Variants in GCGR observed in about 807,000 individuals in gnomAD.
The protein encoded by GCGR is glucagon receptor.
GCGR carries 41 observed loss-of-function variants against 56.1 expected under a neutral mutation model. The observed-to-expected ratio is 0.73, with a 90% CI of 0.57 to 0.95. The LOEUF (loss-of-function observed/expected upper bound fraction) is 0.95. Among genes scored for constraint, GCGR ranks in the 40% least tolerant of loss-of-function variants. The pLI is 0.00. For synonymous variants in GCGR, 278 were observed against 271.1 expected (o/e 1.03, Z -0.25); for missense variants, 595 against 638.2 (o/e 0.93, Z 0.73).
Position 81,813,315 on chromosome 17 carries a change from C to T in GCGR, c.1219-159C>T, listed in dbSNP as rs1054606623. ...GGTGTCTGCAGACTGCTTTCCGTGGCGATGCTGGGTGGCATAGCTGTGCCC... is the reference window on the plus strand; with the variant it reads ...GGTGTCTGCAGACTGCTTTCCGTGGTGATGCTGGGTGGCATAGCTGTGCCC... On this transcript the variant is annotated intron_variant, in intron 13 of 13. Coordinates refer to ENST00000400723, the MANE Select transcript of GCGR (RefSeq NM_000160.5). The surrounding 1 kb of genome is among the most constrained non-coding windows in gnomAD (Gnocchi z 5.3). Among the ~76,000 whole-genome samples the T allele has an allele frequency of 1.4e-4, 21 of 152,260 alleles. No individual in the cohort carries two copies. Among genetic ancestry groups the T allele is most frequent in the African/African-American group, 3.9e-4 (16 of 41,542 alleles).
chr17:81,813,005 T>G lies in GCGR; in HGVS notation c.1177-11T>G, dbSNP rs971198844. 2.0e-6 allele frequency: 3 copies of G among 1,536,384 alleles called. No homozygotes were observed. The highest frequency in any genetic ancestry group is 2.6e-6 in the Non-Finnish European group (3 of 1,146,792). On this transcript the variant is annotated splice_polypyrimidine_tract_variant and intron_variant, in intron 12 of 13. Transcript: ENST00000400723. This position sits in a 1 kb window ranked among gnomAD's most constrained non-coding sequence, Gnocchi z 5.3. Reference sequence around the variant, plus strand: ...CGCAGTGTGCCACCCCTGACCACCCTGTCTCTCCAGGGCCTGCTGGTGGCT... The same window carrying G: ...CGCAGTGTGCCACCCCTGACCACCCGGTCTCTCCAGGGCCTGCTGGTGGCT...
rs1017134822 is a variant in GCGR at position 81,810,249 on chromosome 17, T to G, written c.163+365T>G. On this transcript the variant is annotated intron_variant, in intron 3 of 13. Coordinates refer to ENST00000400723, the MANE Select transcript of GCGR (RefSeq NM_000160.5). The surrounding 1 kb of genome is among the most constrained non-coding windows in gnomAD (Gnocchi z 4.6). ...ACCCAGGGGCCTGGGAGGGCTCGGG[T>G]GGAGAGTGTATATCATGGCCTGGAC... 2.6e-6 allele frequency: 1 copy of G among 391,598 alleles called. No homozygotes were observed. Among genetic ancestry groups the G allele is most frequent in the African/African-American group, 2.1e-5 (1 of 47,992 alleles). 24.3% of individuals were successfully genotyped at this position (391,598 alleles called of 1,614,324 possible).
chr17:81,811,457 T>G lies in GCGR; in HGVS notation c.554T>G (p.Val185Gly). ...CACGCGAATCTGTTTGCGTCCTTCG[T>G]GCTGAAAGCCAGCTCCGTGCTGGTC... ...AIHANLFASF[V>G]LKASSVLVID... is the part of the protein sequence containing the mutation. The change falls in exon 7 of 14, where the codon GTG becomes GGG. Residue 185 changes from valine (V) to glycine (G), a missense_variant. Coordinates refer to ENST00000400723, the MANE Select transcript of GCGR (RefSeq NM_000160.5). The surrounding 1 kb of genome is among the most constrained non-coding windows in gnomAD (Gnocchi z 5.8). The G allele has an allele frequency of 6.5e-7, 1 of 1,536,644 alleles. No homozygotes were observed. Among genetic ancestry groups the G allele is most frequent in the South Asian group, 1.2e-5 (1 of 84,068 alleles).
At position 81,813,426 on chromosome 17, in the gene GCGR, A is replaced by G; in HGVS notation, c.1219-48A>G. On this transcript the variant is annotated intron_variant, in intron 13 of 13. Transcript: ENST00000400723. This position sits in a 1 kb window ranked among gnomAD's most constrained non-coding sequence, Gnocchi z 5.3. Reference sequence around the variant, plus strand: ...CCCACAGCAGGTCCCGGTGGGGTGGAGAGGACAGGCAGGCCCTAGGACTGG... The same window carrying G: ...CCCACAGCAGGTCCCGGTGGGGTGGGGAGGACAGGCAGGCCCTAGGACTGG... The G allele has an allele frequency of 6.7e-7, 1 of 1,500,554 alleles. No homozygotes were observed. Among genetic ancestry groups the G allele is most frequent in the Non-Finnish European group, 8.9e-7 (1 of 1,118,346 alleles). 93.0% of individuals were successfully genotyped at this position (1,500,554 alleles called of 1,614,324 possible).
chr17:81,811,162 C>T lies in GCGR; in HGVS notation c.393+31C>T. 1 of 1,535,986 alleles carries T rather than the reference C, an allele frequency of 6.5e-7. No homozygotes were observed. The highest frequency in any genetic ancestry group is 8.7e-7 in the Non-Finnish European group (1 of 1,146,750). On this transcript the variant is annotated intron_variant, in intron 5 of 13. Transcript: ENST00000400723. The surrounding 1 kb of genome is among the most constrained non-coding windows in gnomAD (Gnocchi z 5.8). The stretch of plus-strand genomic sequence containing the variant: ...TGGGCGGCAGGCAGGCGCGGTGGGG[C>T]TGGATGGGAACGGGCATGGGGGCCC...
rs1182239519 is a variant in GCGR, at chr17:81,810,178, C to T, written c.163+294C>T. On this transcript the variant is annotated intron_variant, in intron 3 of 13. Coordinates refer to ENST00000400723, the MANE Select transcript of GCGR (RefSeq NM_000160.5). The surrounding 1 kb of genome is among the most constrained non-coding windows in gnomAD (Gnocchi z 4.6). ...AGATGGGTAATACCACCTACAGCCC[C>T]GTGGAGTTTTCAGTGGGCAGACAGT... The T allele has an allele frequency of 1.4e-5, 7 of 492,620 alleles. No individual in the cohort carries two copies. Among genetic ancestry groups the T allele is most frequent in the Admixed American group, 6.5e-5 (2 of 30,884 alleles). The allele number at this position is 492,620 out of a possible 1,614,324, so 30.5% of individuals were successfully genotyped here.
chr17:81,813,682 C>T lies in GCGR; in HGVS notation c.1427C>T (p.Pro476Leu), dbSNP rs745618150. ...AGGLPRLAESPF is the reference protein window; with the variant it reads ...AGGLPRLAESLF ...GGCCTCCCTAGATTGGCTGAGAGCC[C>T]CTTCTGAACCCTGCTGGGACCCCAG... is the stretch of plus-strand genomic sequence containing the variant. The change falls in exon 14 of 14, where the codon CCC becomes CTC. Residue 476 changes from proline (P) to leucine (L), a missense_variant. Physicochemically the swap from Pro to Leu is moderately conservative, Grantham distance 98 (BLOSUM62 -3). Coordinates refer to ENST00000400723, the MANE Select transcript of GCGR (RefSeq NM_000160.5). The surrounding 1 kb of genome is among the most constrained non-coding windows in gnomAD (Gnocchi z 5.3). 9.1e-6 allele frequency: 14 copies of T among 1,534,722 alleles called. 1 individual carries two copies. In the South Asian group the frequency reaches 1.3e-4, roughly 14 times the overall value.
At chr17:81,805,088 C>G (rs928535273) in intron 1 of GCGR, 2 of 152,342 alleles carry the variant, frequency 1.3e-5, no homozygotes, top group African/African-American at 4.8e-5. Context: ...TGACCTTCCA[C>G]TACCTTCTCT....
Position 81,813,197 on chromosome 17 carries a change from T to TA in GCGR, c.1218+141dup. The stretch of plus-strand genomic sequence containing the variant: ...CCAAGCCTTTCCCTCCCCCTGCTCT[T>TA]ATTGGGTGCAGTTGCCATGGCGCTG... On this transcript the variant is annotated intron_variant, in intron 13 of 13. Transcript: ENST00000400723. The surrounding 1 kb of genome is among the most constrained non-coding windows in gnomAD (Gnocchi z 5.3). 1 of 1,344,834 alleles carries TA rather than the reference T, an allele frequency of 7.4e-7. No individual in the cohort carries two copies. Among genetic ancestry groups the TA allele is most frequent in the Non-Finnish European group, 1.0e-6 (1 of 976,102 alleles). 83.3% of individuals were successfully genotyped at this position (1,344,834 alleles called of 1,614,324 possible). A position where few individuals can be genotyped will look rare whatever the true frequency, so the allele number is the denominator to read the frequency against.
rs544676498 is a variant in GCGR at position 81,811,335 on chromosome 17, T to C, written c.500+7T>C. 6.5e-7 allele frequency: 1 copy of C among 1,534,692 alleles called. No homozygotes were observed. Among genetic ancestry groups the C allele is most frequent in the South Asian group, 1.2e-5 (1 of 84,040 alleles). On this transcript the variant is annotated splice_region_variant and intron_variant, in intron 6 of 13. Transcript: ENST00000400723. The surrounding 1 kb of genome is among the most constrained non-coding windows in gnomAD (Gnocchi z 5.8). ...CCATCCTGGGGGGCCTCAGGTAGGA[T>C]TCCGCCAGCGCCCGGGGCGGCCGCA...
rs376447899 is a variant in GCGR at position 81,812,000 on chromosome 17, C to T, written c.878+54C>T. ...GAGGGACCGGGGGGCTGGGGTGCGGCGCTCTGGCCTGAGGCAGGGAGGGGC... is the reference window on the plus strand; with the variant it reads ...GAGGGACCGGGGGGCTGGGGTGCGGTGCTCTGGCCTGAGGCAGGGAGGGGC... On this transcript the variant is annotated intron_variant, in intron 9 of 13. Transcript: ENST00000400723. The surrounding 1 kb of genome is among the most constrained non-coding windows in gnomAD (Gnocchi z 5.8). 1.6e-5 allele frequency: 25 copies of T among 1,532,724 alleles called. No individual in the cohort carries two copies. The South Asian group carries it at 1.7e-4, about 10-fold the overall frequency. 94.9% of individuals were successfully genotyped at this position (1,532,724 alleles called of 1,614,324 possible). A position where few individuals can be genotyped will look rare whatever the true frequency, so the allele number is the denominator to read the frequency against.
In GCGR at chr17:81,809,658, T is replaced by C. The variant is rs765309084; in HGVS notation, c.61-124T>C. The C allele has an allele frequency of 1.3e-4, 64 of 508,296 alleles. 1 individual carries two copies. Among genetic ancestry groups the C allele is most frequent in the South Asian group, 7.2e-4 (37 of 51,470 alleles). The allele number at this position is 508,296 out of a possible 1,614,324, so 31.5% of individuals were successfully genotyped here. ...GCCTGTCTGTCTGCCTGTCTGCCTG[T>C]CTGTCTGCCTGTCTGTCCATCTGCC... On this transcript the variant is annotated intron_variant, in intron 2 of 13. Coordinates refer to ENST00000400723, the MANE Select transcript of GCGR (RefSeq NM_000160.5).
chr17:81,807,457 C>T (rs528375410), intron 1 of GCGR, among the ~76,000 whole-genome samples: 255 of 152,242 alleles, frequency 1.7e-3, no homozygotes, highest in African/African-American at 5.7e-3. Context: ...TGGCCCCACG[C>T]GGGCTCACCC....
rs13306386 is a variant in GCGR, at chr17:81,809,742, T to C, written c.61-40T>C. The C allele has an allele frequency of 0.017, 21,224 of 1,249,724 alleles. 1,279 individuals carry two copies. The East Asian group carries it at 0.21, about 12-fold the overall frequency. The allele number at this position is 1,249,724 out of a possible 1,614,324, so 77.4% of individuals were successfully genotyped here. A position where few individuals can be genotyped will look rare whatever the true frequency, so the allele number is the denominator to read the frequency against. ...GTCTGCCTGTCTGTCTGCCTGCCTG[T>C]CTGTCTGTCTGTCTGGTTGCTTGTG... On this transcript the variant is annotated intron_variant, in intron 2 of 13. Coordinates refer to ENST00000400723, the MANE Select transcript of GCGR (RefSeq NM_000160.5).
intron 1 of GCGR, 32 bp from the exon 2 acceptor site, chr17:81,808,810 C>T (rs1214965110): frequency 1.6e-5 from 10 of 620,538 alleles, no homozygotes; most frequent in African/African-American, 3.7e-5. Context: ...TGAGCCGCCG[C>T]GCCCGGCCCC....
rs1035544555 is a variant in GCGR, at chr17:81,810,468, C to T, written c.164-357C>T. 2.5e-6 allele frequency: 1 copy of T among 398,582 alleles called. No individual in the cohort carries two copies. The highest frequency in any genetic ancestry group is 3.9e-5 in the Admixed American group (1 of 25,942). 24.7% of individuals were successfully genotyped at this position (398,582 alleles called of 1,614,324 possible). On this transcript the variant is annotated intron_variant, in intron 3 of 13. Transcript: ENST00000400723. This position sits in a 1 kb window ranked among gnomAD's most constrained non-coding sequence, Gnocchi z 4.6. ...GGATGAAAATGGCATTGGGGTTCAG[C>T]CCCCAGAGAGGGAGGTGCTGAGAGA...
rs1476558729 is a variant in GCGR, at chr17:81,804,278, G to A, written c.-178+29G>A. 3 of 151,900 alleles carry A rather than the reference G, an allele frequency of 2.0e-5. No individual in the cohort carries two copies. Among genetic ancestry groups the A allele is most frequent in the Non-Finnish European group, 4.4e-5 (3 of 67,796 alleles). 9.4% of individuals were successfully genotyped at this position (151,900 alleles called of 1,614,324 possible). Reference sequence around the variant, plus strand: ...AGCACCTGGGCCGCGGCCCCGAGGGGACGTTGGGGAGTCGACCCGGTGGGG... The same window carrying A: ...AGCACCTGGGCCGCGGCCCCGAGGGAACGTTGGGGAGTCGACCCGGTGGGG... On this transcript the variant is annotated intron_variant, in intron 1 of 13. Transcript: ENST00000400723. The surrounding 1 kb of genome is among the most constrained non-coding windows in gnomAD (Gnocchi z 8.2).
At position 81,811,993 on chromosome 17, in the gene GCGR, G is replaced by C. The variant is rs1212485455; in HGVS notation, c.878+47G>C. 4.6e-6 allele frequency: 7 copies of C among 1,535,472 alleles called. No homozygotes were observed. The highest frequency in any genetic ancestry group is 6.1e-6 in the Non-Finnish European group (7 of 1,146,084). ...GCCTGGGGAGGGACCGGGGGGCTGGGGTGCGGCGCTCTGGCCTGAGGCAGG... is the reference window on the plus strand; with the variant it reads ...GCCTGGGGAGGGACCGGGGGGCTGGCGTGCGGCGCTCTGGCCTGAGGCAGG... On this transcript the variant is annotated intron_variant, in intron 9 of 13. Coordinates refer to ENST00000400723, the MANE Select transcript of GCGR (RefSeq NM_000160.5). This position sits in a 1 kb window ranked among gnomAD's most constrained non-coding sequence, Gnocchi z 5.8.
rs548154952 is a variant in GCGR, at chr17:81,812,544, G to A, written c.949-33G>A. 6.8e-5 allele frequency: 103 copies of A among 1,523,610 alleles called. 1 individual carries two copies. In the East Asian group the frequency reaches 1.7e-3, roughly 26 times the overall value. The allele number at this position is 1,523,610 out of a possible 1,614,324, so 94.4% of individuals were successfully genotyped here. On this transcript the variant is annotated intron_variant, in intron 10 of 13. Transcript: ENST00000400723. This position sits in a 1 kb window ranked among gnomAD's most constrained non-coding sequence, Gnocchi z 8.5. ...GGCACAGAGCTGTTCCCTGGGGCTC[G>A]GGATGCCCCTGACTCGCACCCTTCT...
Sources: gnomAD v4.1 joint callset for allele counts (sites outside exome capture counted in the v4.1 genomes callset) on GRCh38, gnomAD v4.1.1 for gene constraint, Gnocchi (gnomAD v3.1) non-coding constraint, MANE v1.5 for transcripts, NCBI Gene and HGNC (gene_info 2026-07-23, HGNC 2026-07-21) for gene names.